The following TTC27 variants were observed in gnomAD, a reference collection of about 807,000 sequenced individuals.
TTC27 encodes the protein tetratricopeptide repeat domain 27.
In TTC27, 79 loss-of-function variants were observed where a neutral mutation model predicts 115.9. The observed-to-expected ratio is 0.68, with a 90% CI of 0.57 to 0.82. TTC27 has a LOEUF of 0.82. Ranked by LOEUF, TTC27 falls within the 40% of genes least tolerant of loss-of-function variation. TTC27 has a pLI of 0.00. For synonymous variants in TTC27, 401 were observed against 356.0 expected, an observed-to-expected ratio of 1.13 and a Z score of -1.42; for missense variants, 1,054 against 993.1, an observed-to-expected ratio of 1.06 and a Z score of -0.82.
At chr2:32,693,346 C>T (rs1666880166) in intron 9 of TTC27, among the ~76,000 whole-genome samples, 1 of 152,188 alleles carries the variant, frequency 6.6e-6, no homozygotes, top group Non-Finnish European at 1.5e-5. Context: ...ATCAGCGTCA[C>T]CTGGGAGCTT....
At chr2:32,699,719 T>C (rs1667117978) in intron 9 of TTC27, among the ~76,000 whole-genome samples, 1 of 152,210 alleles carries the variant, frequency 6.6e-6, no homozygotes, top group South Asian at 2.1e-4. Flanking sequence ...TCTCAAGTCT[T>C]TATATCTCCC....
At chr2:32,682,380 A>G (rs1666461803) in intron 9 of TTC27, among the ~76,000 whole-genome samples, 1 of 152,190 alleles carries the variant, frequency 6.6e-6, no homozygotes, top group Non-Finnish European at 1.5e-5. Context: ...ACATCTATGA[A>G]AGTACTCCAG....
chr2:32,701,434 T>C (rs898057297), intron 9 of TTC27, among the ~76,000 whole-genome samples: 2 of 152,230 alleles, frequency 1.3e-5, no homozygotes, highest in Non-Finnish European at 2.9e-5. Context: ...TATAAAGGTG[T>C]TCTGGGACTT....
chr2:32,633,627 C>G (rs1664299168), intron 2 of TTC27, among the ~76,000 whole-genome samples: 1 of 152,024 alleles, frequency 6.6e-6, no homozygotes, highest in Non-Finnish European at 1.5e-5. Flanking sequence ...TGGTTTTGAA[C>G]TCCTGGGTTC....
At chr2:32,674,722 C>T (rs1279375598) in intron 8 of TTC27, among the ~76,000 whole-genome samples, 3 of 150,700 alleles carry the variant, frequency 2.0e-5, no homozygotes, top group East Asian at 2.0e-4. Flanking sequence ...TGCAGTGGCG[C>T]GATCTCGGCT....
intron 4 of TTC27, among the ~76,000 whole-genome samples, chr2:32,647,230 C>T (rs962908573): frequency 1.1e-4 from 17 of 152,054 alleles, no homozygotes; most frequent in Admixed American, 9.8e-4. Context: ...TGTGAGCCAC[C>T]GTGCCTGGCC....
chr2:32,696,192 C>A (rs1250377558), intron 9 of TTC27, among the ~76,000 whole-genome samples: 2 of 151,746 alleles, frequency 1.3e-5, no homozygotes, highest in Non-Finnish European at 2.9e-5. Context: ...CAAAGTTCAT[C>A]TGTGTTGTGT....
At chr2:32,724,654 A>G (rs1471237650) in intron 10 of TTC27, among the ~76,000 whole-genome samples, 1 of 152,258 alleles carries the variant, frequency 6.6e-6, no homozygotes, top group East Asian at 1.9e-4. Context: ...TGGTTGTCTC[A>G]GGAAGAAACT....
intron 5 of TTC27, among the ~76,000 whole-genome samples, chr2:32,653,646 C>T (rs1035092130): frequency 1.1e-4 from 17 of 150,720 alleles, no homozygotes; most frequent in East Asian, 1.9e-4. Flanking sequence ...TGCATACGTG[C>T]GTACGTTGAT....
chr2:32,803,114 T>C (rs1231474685), intron 16 of TTC27, among the ~76,000 whole-genome samples: 1 of 152,244 alleles, frequency 6.6e-6, no homozygotes, highest in Non-Finnish European at 1.5e-5. Context: ...GGATACACTT[T>C]GCCACTGCCA....
intron 15 of TTC27, 45 bp downstream of exon 15, chr2:32,782,723 A>G (rs751527241): frequency 6.8e-7 from 1 of 1,463,408 alleles, no homozygotes; most frequent in South Asian, 1.2e-5. Context: ...TCCCAAATAA[A>G]TGAATGAGAT....
At chr2:32,666,898 G>C in intron 7 of TTC27, 130 bp downstream of exon 7, 1 of 1,134,150 alleles carries the variant, frequency 8.8e-7, no homozygotes, top group Non-Finnish European at 1.2e-6. Flanking sequence ...CCTTTTAAAG[G>C]TTGCTGAGTC....
At chr2:32,801,494 C>T (rs1439153416) in intron 16 of TTC27, among the ~76,000 whole-genome samples, 1 of 152,152 alleles carries the variant, frequency 6.6e-6, no homozygotes, top group East Asian at 1.9e-4. Flanking sequence ...ATTAGGCCAA[C>T]CCTAGTCCAG....
chr2:32,685,948 G>A (rs1666614158), intron 9 of TTC27, among the ~76,000 whole-genome samples: 1 of 152,122 alleles, frequency 6.6e-6, no homozygotes, highest in South Asian at 2.1e-4. Flanking sequence ...ACATGTTTAT[G>A]TCATAGAAAA....
At position 32,795,680 on chromosome 2, in the gene TTC27, G is replaced by A. The variant is rs1045565425; in HGVS notation, c.1998+8531G>A. On this transcript the variant is annotated intron_variant, in intron 16 of 19. Transcript: ENST00000317907. ...TAATTCTCCTGTGTTAGCCTCCCAA[G>A]TAGCTGGGACTACAGGCACATGTCA... Among the ~76,000 whole-genome samples, 5 of 150,142 alleles carry A rather than the reference G, an allele frequency of 3.3e-5. No homozygotes were observed. In the South Asian group the frequency reaches 8.4e-4, roughly 25 times the overall value.
Position 32,729,378 on chromosome 2 carries a change from G to A in TTC27, c.1234-4450G>A, listed in dbSNP as rs561087950. ...AAATTCCTTCTCTGTTGAAAACAGAGCATTGAAAGGAGAGGGGACATCATT... is the reference window on the plus strand; with the variant it reads ...AAATTCCTTCTCTGTTGAAAACAGAACATTGAAAGGAGAGGGGACATCATT... On this transcript the variant is annotated intron_variant, in intron 10 of 19. Transcript: ENST00000317907. 2.6e-5 allele frequency among the ~76,000 whole-genome samples: 4 copies of A among 152,284 alleles called. No individual in the cohort carries two copies. The East Asian group carries it at 5.8e-4, about 22-fold the overall frequency.
chr2:32,708,061 T>A lies in TTC27; in HGVS notation c.1233+5141T>A, dbSNP rs1332528353. On this transcript the variant is annotated intron_variant, in intron 10 of 19. Coordinates refer to ENST00000317907, the MANE Select transcript of TTC27 (RefSeq NM_017735.5). ...AGAACAATTTGAGCAGCAAATTAAATAGTACAGTTGACCCTTGAACAACAC... is the reference window on the plus strand; with the variant it reads ...AGAACAATTTGAGCAGCAAATTAAAAAGTACAGTTGACCCTTGAACAACAC... 2.6e-5 allele frequency among the ~76,000 whole-genome samples: 4 copies of A among 152,066 alleles called. No individual in the cohort carries two copies. The East Asian group carries it at 7.7e-4, about 29-fold the overall frequency.
intron 16 of TTC27, among the ~76,000 whole-genome samples, chr2:32,797,870 G>A (rs1670764779): frequency 6.6e-6 from 1 of 152,034 alleles, no homozygotes. Flanking sequence ...TATCTGATAA[G>A]GGAATAATAT....
chr2:32,784,751 A>C (rs1346313600), intron 15 of TTC27, among the ~76,000 whole-genome samples: 2 of 152,200 alleles, frequency 1.3e-5, no homozygotes, highest in African/African-American at 2.4e-5. Context: ...AAGGGAGGAC[A>C]TATAGGAAAA....
Sources: allele counts gnomAD v4.1 joint callset (sites outside exome capture counted in the v4.1 genomes callset), GRCh38; gene constraint gnomAD v4.1.1; transcripts MANE v1.5; gene names NCBI Gene and HGNC (gene_info 2026-07-23, HGNC 2026-07-21).